The following TBXAS1 variants were observed in gnomAD, a reference collection of about 807,000 sequenced individuals.
The protein encoded by TBXAS1 is thromboxane A synthase 1.
Under a neutral mutation model 60.7 loss-of-function variants are expected in TBXAS1, and 48 were observed. That is an observed-to-expected ratio of 0.79 (90% confidence interval 0.63 to 1.01). The LOEUF (loss-of-function observed/expected upper bound fraction) is 1.01, where lower values mean the gene tolerates loss of function less well. Among genes scored for constraint, TBXAS1 ranks in the 50% least tolerant of loss-of-function variants. TBXAS1 has a pLI of 0.00. For missense variants in TBXAS1, 685 were observed against 686.3 expected (o/e 1.00, Z 0.02); for synonymous variants, 287 against 269.7 (o/e 1.06, Z -0.63).
chr7:139,795,526 C>T (rs1190894178), intron 4 of TBXAS1, among the ~76,000 whole-genome samples: 1 of 124,800 alleles, frequency 8.0e-6, no homozygotes, highest in Non-Finnish European at 1.7e-5. Context: ...TTAATTAGAT[C>T]CCATTTGTCA....
At chr7:139,845,231 C>T (rs537258333) in intron 1 of TBXAS1, among the ~76,000 whole-genome samples, 1 of 152,250 alleles carries the variant, frequency 6.6e-6, no homozygotes, top group Non-Finnish European at 1.5e-5. Flanking sequence ...TGCTCCTCTG[C>T]ATAAAACCCT....
chr7:140,003,795 C>T (rs1203273635), intron 9 of TBXAS1, among the ~76,000 whole-genome samples: 7 of 152,058 alleles, frequency 4.6e-5, no homozygotes, highest in Admixed American at 4.6e-4. Context: ...CATGCATATT[C>T]CTGCATTTGT....
At chr7:139,989,050 G>T (rs73484294) in intron 9 of TBXAS1, among the ~76,000 whole-genome samples, 32 of 152,292 alleles carry the variant, frequency 2.1e-4, no homozygotes, top group African/African-American at 7.7e-4. Context: ...CGCATTGCAG[G>T]GTTAGCAAAC....
At chr7:139,819,694 G>A (rs1050199182) in intron 4 of TBXAS1, among the ~76,000 whole-genome samples, 13 of 151,994 alleles carry the variant, frequency 8.6e-5, no homozygotes, top group Admixed American at 7.9e-4. Flanking sequence ...GTAGAGATGG[G>A]TTTTCACCAT....
chr7:139,924,031 T>C (rs1208586530), intron 4 of TBXAS1, among the ~76,000 whole-genome samples: 1 of 152,214 alleles, frequency 6.6e-6, no homozygotes, highest in Non-Finnish European at 1.5e-5. Flanking sequence ...ACGTTTTCTT[T>C]ATGCAGTTGT....
At position 140,008,335 on chromosome 7, in the gene TBXAS1, T is replaced by TCAG. The variant is rs138693209; in HGVS notation, c.1226+1154_1226+1156dup. On this transcript the variant is annotated intron_variant, in intron 10 of 12. Transcript: ENST00000448866. ...CTCAGTGTGGAAGCAGGCCAGTCAC[T>TCAG]CAGGGGCTCTGTGCCCCCTCTCCCC... Among the ~76,000 whole-genome samples, 668 of 152,302 alleles carry TCAG rather than the reference T, an allele frequency of 4.4e-3. 6 individuals are homozygous for TCAG. The highest frequency in any genetic ancestry group is 0.015 in the African/African-American group (635 of 41,564).
At chr7:139,825,826 A>G (rs181902592), upstream of TBXAS1, among the ~76,000 whole-genome samples, 2 of 152,292 alleles carry the variant, frequency 1.3e-5, no homozygotes, top group Admixed American at 1.3e-4. Flanking sequence ...TACATCTGGG[A>G]TATGTTATAA....
intron 9 of TBXAS1, chr7:139,962,564 C>G (rs955164969): frequency 8.7e-6 from 3 of 345,666 alleles, no homozygotes; most frequent in African/African-American, 2.1e-5. Context: ...CATGGCTTCC[C>G]AATATCTGAC....
At chr7:139,848,899 C>T (rs1800008402) in intron 1 of TBXAS1, among the ~76,000 whole-genome samples, 1 of 152,142 alleles carries the variant, frequency 6.6e-6, no homozygotes, top group Non-Finnish European at 1.5e-5. Context: ...TTCACTCTAC[C>T]TCATGCTCCA....
chr7:139,988,965 T>C lies in TBXAS1; in HGVS notation c.1135-18126T>C, dbSNP rs8192854. On this transcript the variant is annotated intron_variant, in intron 9 of 12. Coordinates refer to ENST00000448866, the MANE Select transcript of TBXAS1 (RefSeq NM_001061.7). ...GAGGGGAGAGGCAGGTTCACCCAGC[T>C]GTCTGTGCCCGGGCAGGGCAACTCC... 5.3e-3 allele frequency among the ~76,000 whole-genome samples: 813 copies of C among 152,294 alleles called. 16 individuals carry two copies. The East Asian group carries it at 0.064, about 12-fold the overall frequency.
intron 9 of TBXAS1, among the ~76,000 whole-genome samples, chr7:139,978,237 C>T (rs1269409070): frequency 6.6e-6 from 1 of 151,966 alleles, no homozygotes; most frequent in Non-Finnish European, 1.5e-5. Flanking sequence ...GGCCAGGCAC[C>T]GTGGCTCACA....
At chr7:139,978,775 CA>C (rs35583867) in intron 9 of TBXAS1, among the ~76,000 whole-genome samples, 9,885 of 90,608 alleles carry the variant, frequency 0.11, 255 homozygotes, top group Non-Finnish European at 0.15. Context: ...CCTGCCTCTA[CA>C]AAAAAAAAAA....
Position 140,004,508 on chromosome 7 carries a change from C to T in TBXAS1, c.1135-2583C>T, listed in dbSNP as rs994994629. Among the ~76,000 whole-genome samples, 23 of 152,148 alleles carry T rather than the reference C, an allele frequency of 1.5e-4. No individual in the cohort carries two copies. Among genetic ancestry groups the T allele is most frequent in the African/African-American group, 5.6e-4 (23 of 41,426 alleles). ...ACAATTGGTGTTTGTGACTTGTTGG[C>T]CAGAAGAGACAAACACAAACCAAAC... On this transcript the variant is annotated intron_variant, in intron 9 of 12. Transcript: ENST00000448866. The surrounding 1 kb of genome is among the most constrained non-coding windows in gnomAD (Gnocchi z 5.1).
At position 139,821,349 on chromosome 7, in the gene TBXAS1, A is replaced by C. The variant is rs551027088; in HGVS notation, c.-79-7963A>C. On this transcript the variant is annotated intron_variant, in intron 4 of 16. Coordinates refer to the TBXAS1 transcript ENST00000336425. ...TGGATATATTGGTCTGAAACTCAGG[A>C]ATGACAATTGGGCTGGAGAGAATAG... Among the ~76,000 whole-genome samples, 10 of 152,290 alleles carry C rather than the reference A, an allele frequency of 6.6e-5. No individual in the cohort carries two copies. The South Asian group carries it at 1.9e-3, about 28-fold the overall frequency.
intron 1 of TBXAS1, among the ~76,000 whole-genome samples, chr7:139,835,359 C>T (rs138405474): frequency 2.1e-3 from 315 of 152,230 alleles, no homozygotes; most frequent in African/African-American, 7.0e-3. Context: ...TGAGCCAACA[C>T]GCCTGGCCAA....
intron 3 of TBXAS1, chr7:139,875,973 A>G (rs1281636015): frequency 2.6e-6 from 1 of 391,442 alleles, no homozygotes; most frequent in Non-Finnish European, 4.8e-6. Flanking sequence ...CTCAGAGCAC[A>G]AACTGTCCAA....
At chr7:139,957,884 C>T in intron 8 of TBXAS1, 120 bp downstream of exon 8, 1 of 1,418,530 alleles carries the variant, frequency 7.0e-7, no homozygotes, top group Middle Eastern at 1.8e-4. Flanking sequence ...CCTTCAGCAA[C>T]CCACCACTTA....
chr7:139,963,621 C>A (rs1169740278), intron 9 of TBXAS1, among the ~76,000 whole-genome samples: 1 of 152,098 alleles, frequency 6.6e-6, no homozygotes, highest in African/African-American at 2.4e-5. Flanking sequence ...AGGGAGGGAC[C>A]AACGGTGACT....
intron 9 of TBXAS1, among the ~76,000 whole-genome samples, chr7:139,983,967 T>G (rs1406108483): frequency 6.6e-6 from 1 of 152,178 alleles, no homozygotes; most frequent in Admixed American, 6.5e-5. Flanking sequence ...TCAGCACCAC[T>G]CAGGGCCAGT....
Sources: allele counts gnomAD v4.1 joint callset (sites outside exome capture counted in the v4.1 genomes callset), GRCh38; gene constraint gnomAD v4.1.1; non-coding constraint Gnocchi (gnomAD v3.1); transcripts MANE v1.5; gene names NCBI Gene and HGNC (gene_info 2026-07-23, HGNC 2026-07-21).